The following ANK3 variants were observed in gnomAD, a reference collection of about 807,000 sequenced individuals.
ANK3 encodes ankyrin 3.
In ANK3, 57 loss-of-function variants were observed where a neutral mutation model predicts 370.9. That is an observed-to-expected ratio of 0.15 (90% CI 0.12 to 0.19). The LOEUF is 0.19. ANK3 is among the 10% of genes least tolerant of loss of function. The pLI, the probability that ANK3 is intolerant of heterozygous loss-of-function variation, is 1.00. For synonymous variants in ANK3, 1,929 were observed against 1,946.3 expected (o/e 0.99, Z 0.23); for missense variants, 4,439 against 5,302.1 (o/e 0.84, Z 5.06).
chr10:60,170,436 T>A (rs1485203537), intron 21 of ANK3, among the ~76,000 whole-genome samples: 1 of 152,192 alleles, frequency 6.6e-6, no homozygotes, highest in Non-Finnish European at 1.5e-5. Context: ...TAAGCTAGTT[T>A]ACATGTAACC....
At chr10:60,132,134 C>G (rs913101389) in intron 25 of ANK3, among the ~76,000 whole-genome samples, 2 of 152,084 alleles carry the variant, frequency 1.3e-5, no homozygotes, top group African/African-American at 4.8e-5. Context: ...GCCAACCAAG[C>G]AGAAAATTTC....
chr10:60,298,735 T>G (rs1368637135), intron 1 of ANK3, among the ~76,000 whole-genome samples: 1 of 152,170 alleles, frequency 6.6e-6, no homozygotes, highest in Non-Finnish European at 1.5e-5. Context: ...ATGGTCTACT[T>G]TTATTTAGGC....
chr10:60,652,261 G>A (rs547658216), intron 1 of ANK3, among the ~76,000 whole-genome samples: 2 of 152,074 alleles, frequency 1.3e-5, no homozygotes, highest in East Asian at 3.9e-4. Context: ...AATTAGCCAG[G>A]CATAGTGGCG....
intron 2 of ANK3, among the ~76,000 whole-genome samples, chr10:60,484,952 C>A (rs1317917893): frequency 6.6e-6 from 1 of 152,048 alleles, no homozygotes; most frequent in Non-Finnish European, 1.5e-5. Context: ...ATGACATTGA[C>A]TTAACTAGAT....
chr10:60,399,575 T>C (rs2063313259), intron 2 of ANK3, among the ~76,000 whole-genome samples: 1 of 152,158 alleles, frequency 6.6e-6, no homozygotes, highest in Admixed American at 6.5e-5. Context: ...CAGTTCCTAA[T>C]GAGCAGGTGT....
chr10:60,709,076 A>AAAC (rs57666485), intron 1 of ANK3, among the ~76,000 whole-genome samples: 13 of 152,068 alleles, frequency 8.5e-5, no homozygotes, highest in Non-Finnish European at 1.6e-4. Flanking sequence ...ATCAAAAACA[A>AAAC]AACAACAACA....
intron 1 of ANK3, among the ~76,000 whole-genome samples, chr10:60,378,338 T>C (rs981402416): frequency 6.6e-6 from 1 of 152,314 alleles, no homozygotes; most frequent in African/African-American, 2.4e-5. Context: ...GCCAGCTTTT[T>C]CCACAGTTTT....
Position 60,069,213 on chromosome 10 carries a change from T to C in ANK3, c.11668A>G (p.Lys3890Glu). The change falls in exon 37 of 44, where the codon AAG becomes GAG. Residue 3890 changes from lysine to glutamate, a missense_variant. Physicochemically the swap from Lys to Glu is moderately conservative, Grantham distance 56 (BLOSUM62 1). Coordinates refer to ENST00000280772, the MANE Select transcript of ANK3 (RefSeq NM_020987.5). ...HMSNTKASKM[K>E]QVSQSEKTKA... is the part of the protein sequence containing the mutation. ...GTTTTCTCGGATTGACTAACCTGCT[T>C]CATTTTACTTGCTTTAGTGTTTGAC... 1 of 1,614,198 alleles carries C rather than the reference T, an allele frequency of 6.2e-7. No individual in the cohort carries two copies.
In ANK3 at chr10:60,189,001, C is replaced by T. The variant is rs114432722; in HGVS notation, c.1888-2089G>A. ...GTGTCTAACACTAACCTAACTACTTCGAGTGGTAAAGGCAAGATAAACTCA... is the reference window on the plus strand; with the variant it reads ...GTGTCTAACACTAACCTAACTACTTTGAGTGGTAAAGGCAAGATAAACTCA... On this transcript the variant is annotated intron_variant, in intron 16 of 43. Coordinates refer to ENST00000280772, the MANE Select transcript of ANK3 (RefSeq NM_020987.5). 5.9e-3 allele frequency among the ~76,000 whole-genome samples: 902 copies of T among 152,266 alleles called. 13 individuals carry two copies. Among genetic ancestry groups the T allele is most frequent in the African/African-American group, 0.018 (741 of 41,554 alleles).
At chr10:60,378,933 T>C (rs2061176923) in intron 1 of ANK3, among the ~76,000 whole-genome samples, 1 of 151,416 alleles carries the variant, frequency 6.6e-6, no homozygotes, top group South Asian at 2.1e-4. Context: ...ATCTACAGAA[T>C]GGGAGAAAAT....
intron 1 of ANK3, among the ~76,000 whole-genome samples, chr10:60,371,105 T>C (rs1211970450): frequency 6.6e-6 from 1 of 152,068 alleles, no homozygotes; most frequent in Admixed American, 6.6e-5. Context: ...TCAAAGCATT[T>C]CTATCTGTGC....
At chr10:60,206,205 G>A (rs2096759260) in intron 10 of ANK3, among the ~76,000 whole-genome samples, 1 of 152,124 alleles carries the variant, frequency 6.6e-6, no homozygotes, top group South Asian at 2.1e-4. Flanking sequence ...GGGTGTGGTG[G>A]CTCACATGTG....
chr10:60,127,993 G>A (rs1005182048), intron 25 of ANK3, among the ~76,000 whole-genome samples: 5 of 152,008 alleles, frequency 3.3e-5, no homozygotes, highest in East Asian at 1.9e-4. Flanking sequence ...CACCGCGCCC[G>A]GCCAGTTCTT....
At position 60,055,803 on chromosome 10, in the gene ANK3, A is replaced by T; in HGVS notation, c.12920T>A (p.Leu4307Gln). 1 of 1,614,144 alleles carries T rather than the reference A, an allele frequency of 6.2e-7. No individual in the cohort carries two copies. Among genetic ancestry groups the T allele is most frequent in the South Asian group, 1.1e-5 (1 of 91,080 alleles). ...ASPLAAYQKS[L>Q]EETSKLIIEE... is the part of the protein sequence containing the mutation. ...TATTATAAGCTTGCTGGTTTCTTCT[A>T]GAGATTTCTGATATGCTGCTAGTGG... The change falls in exon 42 of 44, where the codon CTA becomes CAA. Residue 4307 changes from leucine to glutamine, a missense_variant. Leu to Gln is a moderately radical substitution (Grantham distance 113). Transcript: ENST00000280772.
chr10:60,381,292 T>A (rs1484081154), intron 1 of ANK3, among the ~76,000 whole-genome samples: 4 of 152,222 alleles, frequency 2.6e-5, no homozygotes, highest in Non-Finnish European at 5.9e-5. Context: ...ATTTGATACT[T>A]CCTCTGTCTG....
At chr10:60,282,976 A>G (rs7101340) in intron 1 of ANK3, among the ~76,000 whole-genome samples, 53,025 of 152,074 alleles carry the variant, frequency 0.35, 9,697 homozygotes, top group East Asian at 0.48. Context: ...ACCGGCAAAC[A>G]AAACAGCCAC....
intron 17 of ANK3, among the ~76,000 whole-genome samples, chr10:60,182,808 G>C (rs1277914981): frequency 1.3e-5 from 2 of 152,142 alleles, no homozygotes; most frequent in African/African-American, 4.8e-5. Context: ...CTGAATAAAG[G>C]GGGAAATGTG....
chr10:60,447,259 A>T (rs777646352), intron 2 of ANK3, among the ~76,000 whole-genome samples: 2 of 152,176 alleles, frequency 1.3e-5, no homozygotes, highest in Non-Finnish European at 2.9e-5. Flanking sequence ...CATTCTAAAA[A>T]CATCACAGCC....
chr10:60,048,468 A>G (rs2077308553), intron 42 of ANK3, among the ~76,000 whole-genome samples: 1 of 152,248 alleles, frequency 6.6e-6, no homozygotes, highest in South Asian at 2.1e-4. Flanking sequence ...CTTGTTCCTT[A>G]GTATCCACAG....
Sources: gnomAD v4.1 joint callset for allele counts (sites outside exome capture counted in the v4.1 genomes callset) on GRCh38, gnomAD v4.1.1 for gene constraint, MANE v1.5 for transcripts, NCBI Gene and HGNC (gene_info 2026-07-23, HGNC 2026-07-21) for gene names.